Variants in CHST9 observed in about 807,000 individuals in gnomAD.
CHST9 encodes the protein carbohydrate sulfotransferase 9.
In CHST9, 41 loss-of-function variants were observed where a neutral mutation model predicts 44.4. The observed-to-expected ratio is 0.92, with a 90% confidence interval of 0.72 to 1.20. CHST9 has a LOEUF of 1.20. Among genes scored for constraint, CHST9 ranks in the 50% most tolerant of loss-of-function variants. CHST9 has a pLI of 0.00. For synonymous variants in CHST9, 171 were observed against 178.4 expected (o/e 0.96, Z 0.33); for missense variants, 504 against 516.5 (o/e 0.98, Z 0.23).
chr18:27,153,119 T>C (rs2058671182), intron 1 of CHST9, among the ~76,000 whole-genome samples: 1 of 152,132 alleles, frequency 6.6e-6, no homozygotes, highest in Non-Finnish European at 1.5e-5. Flanking sequence ...TGCTCCTGTG[T>C]GTGGAAGTTA....
chr18:27,172,444 AG>A (rs2058840430), intron 1 of CHST9, among the ~76,000 whole-genome samples: 1 of 151,940 alleles, frequency 6.6e-6, no homozygotes, highest in Non-Finnish European at 1.5e-5. Flanking sequence ...TGGGAGTGGG[AG>A]GGGGATAGGG....
At chr18:27,101,676 T>TA (rs1198237663) in intron 2 of CHST9, among the ~76,000 whole-genome samples, 11 of 152,052 alleles carry the variant, frequency 7.2e-5, no homozygotes, top group African/African-American at 2.7e-4. Flanking sequence ...TTAACTACTA[T>TA]AAATGACATC....
chr18:27,009,404 T>G (rs1254881148), intron 4 of CHST9, among the ~76,000 whole-genome samples: 1 of 152,204 alleles, frequency 6.6e-6, no homozygotes, highest in East Asian at 1.9e-4. Flanking sequence ...TCATTATTGC[T>G]TAATGAATGC....
At chr18:27,046,149 C>G (rs1341698194) in intron 3 of CHST9, among the ~76,000 whole-genome samples, 1 of 64 alleles carries the variant, frequency 0.016, no homozygotes, top group African/African-American at 0.062. Context: ...GGTGCCCAAC[C>G]CCCTGCACAT....
chr18:27,051,814 GT>G (rs1295432080), intron 2 of CHST9, among the ~76,000 whole-genome samples: 1 of 152,102 alleles, frequency 6.6e-6, no homozygotes, highest in African/African-American at 2.4e-5. Context: ...TTAAATATAT[GT>G]TTCAAAAGTC....
chr18:27,051,088 A>G (rs1214779867), intron 2 of CHST9, among the ~76,000 whole-genome samples: 1 of 152,178 alleles, frequency 6.6e-6, no homozygotes, highest in Admixed American at 6.6e-5. Flanking sequence ...GGAATAATAT[A>G]GTGTGATTTT....
chr18:27,000,900 C>A (rs575483820), intron 4 of CHST9, among the ~76,000 whole-genome samples: 12 of 151,130 alleles, frequency 7.9e-5, no homozygotes, highest in African/African-American at 2.7e-4. Flanking sequence ...TTCACCCCCC[C>A]ATCTCTGAAT....
At chr18:27,130,394 CTTATAT>C (rs957363501) in intron 2 of CHST9, among the ~76,000 whole-genome samples, 7 of 152,174 alleles carry the variant, frequency 4.6e-5, no homozygotes, top group African/African-American at 1.7e-4. Context: ...GATTCTGTGT[CTTATAT>C]TTATATCTTT....
At chr18:26,938,470 C>T (rs1568100259) in intron 5 of CHST9, among the ~76,000 whole-genome samples, 1 of 152,144 alleles carries the variant, frequency 6.6e-6, no homozygotes, top group South Asian at 2.1e-4. Flanking sequence ...TCTTTACTAG[C>T]TCCATTAGTG....
At chr18:26,953,172 A>G (rs2056274559) in intron 4 of CHST9, among the ~76,000 whole-genome samples, 2 of 152,110 alleles carry the variant, frequency 1.3e-5, no homozygotes, top group South Asian at 4.1e-4. Flanking sequence ...CAAATTCTAG[A>G]GATATGGTGA....
intron 1 of CHST9, among the ~76,000 whole-genome samples, chr18:27,179,032 A>G (rs2058889910): frequency 1.3e-5 from 2 of 151,276 alleles, no homozygotes; most frequent in South Asian, 4.2e-4. Flanking sequence ...TTTCATAAAT[A>G]TGCACATATA....
chr18:26,964,565 C>T (rs575659915), intron 4 of CHST9, among the ~76,000 whole-genome samples: 62 of 152,326 alleles, frequency 4.1e-4, no homozygotes, highest in South Asian at 1.7e-3. Flanking sequence ...GACTGTGGGC[C>T]GTAAACAGGT....
chr18:26,998,178 CT>C (rs532830584), intron 4 of CHST9, among the ~76,000 whole-genome samples: 1 of 152,242 alleles, frequency 6.6e-6, no homozygotes, highest in Admixed American at 6.5e-5. Context: ...TGACTTAGCT[CT>C]CTCCGTTGTG....
chr18:27,177,048 G>A (rs1193902179), intron 1 of CHST9, among the ~76,000 whole-genome samples: 7 of 152,026 alleles, frequency 4.6e-5, no homozygotes, highest in African/African-American at 1.7e-4. Context: ...AGTGCATCTA[G>A]CTGAATGCCA....
intron 2 of CHST9, among the ~76,000 whole-genome samples, chr18:27,129,372 A>T (rs1411294816): frequency 1.3e-5 from 2 of 151,206 alleles, no homozygotes; most frequent in East Asian, 3.9e-4. Flanking sequence ...TTTATTTTTT[A>T]TTTTTTTTAT....
chr18:26,933,776 A>G (rs1029787338), intron 5 of CHST9: 6 of 153,442 alleles, frequency 3.9e-5, no homozygotes, highest in Admixed American at 6.5e-5. Context: ...GGATGAAGAT[A>G]GATAACAAAC....
At chr18:26,936,052 C>T (rs1441188760) in intron 5 of CHST9, 1 of 152,198 alleles carries the variant, frequency 6.6e-6, no homozygotes, top group Non-Finnish European at 1.5e-5. Context: ...AACATTACCT[C>T]TGCAAAATGC....
At chr18:26,995,479 A>G (rs1320187730) in intron 4 of CHST9, among the ~76,000 whole-genome samples, 1 of 151,946 alleles carries the variant, frequency 6.6e-6, no homozygotes. Flanking sequence ...CCTTGAGGAA[A>G]ACCCCAAGGT....
intron 2 of CHST9, among the ~76,000 whole-genome samples, chr18:27,067,360 A>G (rs1407364357): frequency 1.3e-5 from 2 of 152,138 alleles, no homozygotes. Flanking sequence ...TTTGCTAGTT[A>G]TGCTTTAATA....
Sources: gnomAD v4.1 joint callset for allele counts (sites outside exome capture counted in the v4.1 genomes callset) on GRCh38, gnomAD v4.1.1 for gene constraint, MANE v1.5 for transcripts, NCBI Gene and HGNC (gene_info 2026-07-23, HGNC 2026-07-21) for gene names.